Variants in BRPF1 observed in about 807,000 individuals in gnomAD.
BRPF1 encodes the protein peregrin.
A neutral mutation model predicts 115.0 loss-of-function variants in BRPF1; 15 were observed. The observed-to-expected ratio is 0.13, with a 90% confidence interval of 0.09 to 0.20. The LOEUF (loss-of-function observed/expected upper bound fraction) is 0.20. Among genes scored for constraint, BRPF1 ranks in the 10% least tolerant of loss-of-function variants. The pLI is 1.00. For missense variants in BRPF1, 1,118 were observed against 1,638.3 expected, an observed-to-expected ratio of 0.68 and a Z score of 5.48; for synonymous variants, 647 against 619.8, an observed-to-expected ratio of 1.04 and a Z score of -0.65.
At position 9,745,712 on chromosome 3, in the gene BRPF1, A is replaced by G. The variant is rs1223078021; in HGVS notation, c.3205+3A>G. 6.2e-7 allele frequency: 1 copy of G among 1,613,790 alleles called. No individual in the cohort carries two copies. Among genetic ancestry groups the G allele is most frequent in the Admixed American group, 1.7e-5 (1 of 60,002 alleles). Reference sequence around the variant, plus strand: ...TGGCCGCGGCGTGGGCCACAGCAGTAAGTTCCCTTGCCCAAGGCCAGGGAT... The same window carrying G: ...TGGCCGCGGCGTGGGCCACAGCAGTGAGTTCCCTTGCCCAAGGCCAGGGAT... On this transcript the variant is annotated splice_donor_region_variant and intron_variant, in intron 11 of 13. Coordinates refer to ENST00000383829, the MANE Select transcript of BRPF1 (RefSeq NM_001003694.2). This position sits in a 1 kb window ranked among gnomAD's most constrained non-coding sequence, Gnocchi z 5.1.
In BRPF1 at chr3:9,734,720, C is replaced by T. The variant is rs748573600; in HGVS notation, c.580C>T (p.Arg194Trp). Reference sequence around the variant, plus strand: ...ACAGGACACCCCTGATGCCCCACCCCGGCCAACTTCCTATTACCGGTAAGG... The same window carrying T: ...ACAGGACACCCCTGATGCCCCACCCTGGCCAACTTCCTATTACCGGTAAGG... The part of the protein sequence containing the change: ...LEQDTPDAPP[R>W]PTSYYRYIEK... Residue 194 changes from arginine (R) to tryptophan (W), a missense_variant, in exon 2 of 14, where the codon CGG becomes TGG. Coordinates refer to ENST00000383829, the MANE Select transcript of BRPF1 (RefSeq NM_001003694.2). The surrounding 1 kb of genome is among the most constrained non-coding windows in gnomAD (Gnocchi z 5.7). The T allele has an allele frequency of 4.3e-6, 7 of 1,613,942 alleles. No individual in the cohort carries two copies. Among genetic ancestry groups the T allele is most frequent in the African/African-American group, 1.3e-5 (1 of 74,918 alleles).
Position 9,745,691 on chromosome 3 carries a change from C to A in BRPF1, c.3187C>A (p.Arg1063Ser), listed in dbSNP as rs370663849. ...ENEAYSVGTG[R>S]GVGHSMVRKS... ...TGAGGCCTACTCCGTGGGCACTGGC[C>A]GCGGCGTGGGCCACAGCAGTAAGTT... The change falls in exon 11 of 14, where the codon CGC becomes AGC. Residue 1063 changes from arginine (R) to serine (S), a missense_variant. Arg to Ser is a moderately radical substitution (Grantham distance 110). Around this residue, in one of 10 missense-constraint regions of BRPF1, gnomAD observed 100 missense variants for 109.9 expected, o/e 0.91. Transcript: ENST00000383829. The surrounding 1 kb of genome is among the most constrained non-coding windows in gnomAD (Gnocchi z 5.1). The A allele has an allele frequency of 6.2e-7, 1 of 1,614,098 alleles. No individual in the cohort carries two copies. Among genetic ancestry groups the A allele is most frequent in the African/African-American group, 1.3e-5 (1 of 74,944 alleles).
At position 9,734,590 on chromosome 3, in the gene BRPF1, A is replaced by G. The variant is rs1226912918; in HGVS notation, c.450A>G (p.Lys150=). The G allele has an allele frequency of 6.2e-7, 1 of 1,614,154 alleles. No homozygotes were observed. Among genetic ancestry groups the G allele is most frequent in the Non-Finnish European group, 8.5e-7 (1 of 1,180,020 alleles). Residue 150 remains lysine, a synonymous_variant, in exon 2 of 14, where the codon AAA becomes AAG. Transcript: ENST00000383829. This position sits in a 1 kb window ranked among gnomAD's most constrained non-coding sequence, Gnocchi z 5.7. ...CAGCTGCTACTCCCAAGTCAGGCAAACATAAGAACAAGGAGAAGCGCAAGG... is the reference window on the plus strand; with the variant it reads ...CAGCTGCTACTCCCAAGTCAGGCAAGCATAAGAACAAGGAGAAGCGCAAGG... ...ETPAATPKSG[K]HKNKEKRKDS...
Position 9,731,803 on chromosome 3 carries a change from C to A in BRPF1, c.-346C>A. ...GCCACAGCCTTTGCCGCCACGGTCT[C>A]CGCCGCCGCTGTCCTCGCGCTGCCT... On this transcript the variant is annotated 5_prime_UTR_variant, in exon 1 of 14. Transcript: ENST00000383829. The A allele has an allele frequency of 6.4e-6, 1 of 155,618 alleles. No individual in the cohort carries two copies. Among genetic ancestry groups the A allele is most frequent in the South Asian group, 1.7e-4 (1 of 5,734 alleles). 9.6% of individuals were successfully genotyped at this position (155,618 alleles called of 1,614,324 possible). A position where few individuals can be genotyped will look rare whatever the true frequency, so the allele number is the denominator to read the frequency against.
At chr3:9,738,736 A>C (rs949447305) in intron 2 of BRPF1, among the ~76,000 whole-genome samples, 7 of 152,218 alleles carry the variant, frequency 4.6e-5, no homozygotes, top group Non-Finnish European at 2.9e-5. Context: ...GCAGTGGCAG[A>C]CCTGGGTTCA....
At position 9,733,989 on chromosome 3, in the gene BRPF1, G is replaced by A. The variant is rs977046204; in HGVS notation, c.-10-142G>A. The A allele has an allele frequency of 5.1e-6, 7 of 1,377,596 alleles. No homozygotes were observed. The Admixed American group carries it at 1.0e-4, about 20-fold the overall frequency. The allele number at this position is 1,377,596 out of a possible 1,614,324, so 85.3% of individuals were successfully genotyped here. ...AGATATGGGCTATGGTGGAGGAGAT[G>A]GCATTTGGAGACACTGTAGAGGTAG... On this transcript the variant is annotated intron_variant, in intron 1 of 13. Transcript: ENST00000383829.
chr3:9,734,823 A>C lies in BRPF1; in HGVS notation c.599+84A>C. 1 of 1,506,816 alleles carries C rather than the reference A, an allele frequency of 6.6e-7. No homozygotes were observed. Among genetic ancestry groups the C allele is most frequent in the Non-Finnish European group, 9.1e-7 (1 of 1,104,550 alleles). The allele number at this position is 1,506,816 out of a possible 1,614,324, so 93.3% of individuals were successfully genotyped here. Reference sequence around the variant, plus strand: ...GAGAGAGGTGAGAGGCACAGATAGAAGAGTGACAGGAATAAAGAATAGTGA... The same window carrying C: ...GAGAGAGGTGAGAGGCACAGATAGACGAGTGACAGGAATAAAGAATAGTGA... On this transcript the variant is annotated intron_variant, in intron 2 of 13. Transcript: ENST00000383829. This position sits in a 1 kb window ranked among gnomAD's most constrained non-coding sequence, Gnocchi z 5.7.
chr3:9,734,629 C>G lies in BRPF1; in HGVS notation c.489C>G (p.His163Gln). The change falls in exon 2 of 14, where the codon CAC becomes CAG. Residue 163 changes from histidine (H) to glutamine (Q), a missense_variant. His to Gln is a conservative substitution (Grantham distance 24). This residue lies in a region of BRPF1 where 280 missense variants were observed against 382.8 expected (regional missense o/e 0.73). Transcript: ENST00000383829. The surrounding 1 kb of genome is among the most constrained non-coding windows in gnomAD (Gnocchi z 5.7). Reference sequence around the variant, plus strand: ...AGAAGCGCAAGGACTCCAACCATCACCACCACCACAATGTTTCTGCGAGCA... The same window carrying G: ...AGAAGCGCAAGGACTCCAACCATCAGCACCACCACAATGTTTCTGCGAGCA... Reference protein sequence around the residue: ...NKEKRKDSNHHHHHNVSASTT... With the variant: ...NKEKRKDSNHQHHHNVSASTT... 6.2e-7 allele frequency: 1 copy of G among 1,614,148 alleles called. No individual in the cohort carries two copies. Among genetic ancestry groups the G allele is most frequent in the Non-Finnish European group, 8.5e-7 (1 of 1,180,032 alleles).
At chr3:9,736,856 G>T (rs1399567959) in intron 2 of BRPF1, among the ~76,000 whole-genome samples, 2 of 152,194 alleles carry the variant, frequency 1.3e-5, no homozygotes, top group Non-Finnish European at 1.5e-5. Context: ...CTTCCTTGAG[G>T]GGGAGAGAGA....
chr3:9,744,580 T>C (rs996519187), intron 9 of BRPF1, 72 bp downstream of exon 9: 1 of 1,181,150 alleles, frequency 8.5e-7, no homozygotes, highest in African/African-American at 1.5e-5. Flanking sequence ...TACTCCCAGT[T>C]ACCCCTTTAT....
At position 9,734,781 on chromosome 3, in the gene BRPF1, G is replaced by A; in HGVS notation, c.599+42G>A. 1 of 1,603,564 alleles carries A rather than the reference G, an allele frequency of 6.2e-7. No homozygotes were observed. On this transcript the variant is annotated intron_variant, in intron 2 of 13. Transcript: ENST00000383829. This position sits in a 1 kb window ranked among gnomAD's most constrained non-coding sequence, Gnocchi z 5.7. ...CTTGCAGCTCTGGAAAACTGGTCAA[G>A]CAGGGCTCACTAGCCAGAGAGAGGT...
Position 9,744,998 on chromosome 3 carries a change from T to G in BRPF1, c.2921-10T>G. On this transcript the variant is annotated splice_polypyrimidine_tract_variant and intron_variant, in intron 9 of 13. Coordinates refer to ENST00000383829, the MANE Select transcript of BRPF1 (RefSeq NM_001003694.2). ...CGGTTCCTTCCCTCCTCCCCTTCCCTTCAACCAAGACTTACCAGCCAATGG... is the reference window on the plus strand; with the variant it reads ...CGGTTCCTTCCCTCCTCCCCTTCCCGTCAACCAAGACTTACCAGCCAATGG... 1 of 1,614,170 alleles carries G rather than the reference T, an allele frequency of 6.2e-7. No homozygotes were observed. Among genetic ancestry groups the G allele is most frequent in the East Asian group, 2.2e-5 (1 of 44,878 alleles).
chr3:9,735,730 A>G (rs982014924), intron 2 of BRPF1, among the ~76,000 whole-genome samples: 1 of 152,180 alleles, frequency 6.6e-6, no homozygotes, highest in South Asian at 2.1e-4. Context: ...TTTCTTTAAC[A>G]TGAGGTAAAA....
chr3:9,735,538 G>T (rs1436110901), intron 2 of BRPF1, among the ~76,000 whole-genome samples: 1 of 152,184 alleles, frequency 6.6e-6, no homozygotes, highest in African/African-American at 2.4e-5. Flanking sequence ...CTCCCAAAAG[G>T]TAGAAGACTA....
In BRPF1 at chr3:9,747,394, C is replaced by T. The variant is rs753453116; in HGVS notation, c.*45C>T. 12 of 1,594,240 alleles carry T rather than the reference C, an allele frequency of 7.5e-6. No homozygotes were observed. Among genetic ancestry groups the T allele is most frequent in the Non-Finnish European group, 1.0e-5 (12 of 1,166,082 alleles). On this transcript the variant is annotated 3_prime_UTR_variant, in exon 14 of 14. Transcript: ENST00000383829. The surrounding 1 kb of genome is among the most constrained non-coding windows in gnomAD (Gnocchi z 5.6). ...ACCTATAGTGCCCTGTGACTTCTCT[C>T]CTCCCCTTTGCTCACTGTCCTGGAG...
At chr3:9,741,476 A>G in intron 5 of BRPF1, 37 bp downstream of exon 5, 1 of 1,513,956 alleles carries the variant, frequency 6.6e-7, no homozygotes, top group South Asian at 1.2e-5. Context: ...TTATAAAAGA[A>G]AAAACAAAAA....
rs2077069157 is a variant in BRPF1, at chr3:9,743,605, T to A, written c.2339T>A (p.Leu780Gln). The A allele has an allele frequency of 6.2e-7, 1 of 1,613,158 alleles. No individual in the cohort carries two copies. Among genetic ancestry groups the A allele is most frequent in the East Asian group, 2.2e-5 (1 of 44,880 alleles). ...DAAEEERLVL[L>Q]ENQKHLPVEE... ...GCCGAGGAAGAGCGGCTGGTCTTGC[T>A]GGAGAACCAGAAGCACCTGCCAGTG... The change falls in exon 8 of 14, where the codon CTG becomes CAG. Residue 780 changes from leucine to glutamine, a missense_variant. Leu to Gln is a moderately radical substitution (Grantham distance 113). Coordinates refer to ENST00000383829, the MANE Select transcript of BRPF1 (RefSeq NM_001003694.2). This position sits in a 1 kb window ranked among gnomAD's most constrained non-coding sequence, Gnocchi z 6.1.
In BRPF1 at chr3:9,747,873, TAA is replaced by T. The variant is rs753740993; in HGVS notation, c.*541_*542del. The T allele has an allele frequency of 7.8e-4, 91 of 117,244 alleles. No individual in the cohort carries two copies. The highest frequency in any genetic ancestry group is 2.6e-3 in the East Asian group (10 of 3,872). The allele number at this position is 117,244 out of a possible 1,614,324, so 7.3% of individuals were successfully genotyped here. A position where few individuals can be genotyped will look rare whatever the true frequency, so the allele number is the denominator to read the frequency against. On this transcript the variant is annotated 3_prime_UTR_variant, in exon 14 of 14. Coordinates refer to ENST00000383829, the MANE Select transcript of BRPF1 (RefSeq NM_001003694.2). This position sits in a 1 kb window ranked among gnomAD's most constrained non-coding sequence, Gnocchi z 5.6. ...GGGTCGCGCCAGAGTCATTTGGTACTAAAAAAAAAAAAAAAAAAGACTGGGGG... is the reference window on the plus strand; with the variant it reads ...GGGTCGCGCCAGAGTCATTTGGTACTAAAAAAAAAAAAAAAAGACTGGGGG...
chr3:9,738,556 T>A (rs1360452594), intron 2 of BRPF1, among the ~76,000 whole-genome samples: 1 of 152,230 alleles, frequency 6.6e-6, no homozygotes, highest in Non-Finnish European at 1.5e-5. Context: ...TTATATGTAA[T>A]TTGTCAATGA....
Sources: allele counts gnomAD v4.1 joint callset (sites outside exome capture counted in the v4.1 genomes callset), GRCh38; gene constraint gnomAD v4.1.1; regional missense constraint gnomAD v4.1.1; non-coding constraint Gnocchi (gnomAD v3.1); transcripts MANE v1.5; gene names NCBI Gene and HGNC (gene_info 2026-07-23, HGNC 2026-07-21).